SLC12A4: variants seen among roughly 807,000 people sequenced by gnomAD.
SLC12A4 encodes solute carrier family 12 member 4.
A neutral mutation model predicts 119.2 loss-of-function variants in SLC12A4; 84 were observed. The observed-to-expected ratio is 0.70, with a 90% confidence interval of 0.59 to 0.85. The LOEUF is 0.85. Ranked by LOEUF, SLC12A4 falls within the 40% of genes least tolerant of loss-of-function variation. The pLI is 0.00. For missense variants in SLC12A4, 1,298 were observed against 1,476.3 expected (o/e 0.88, Z 1.98); for synonymous variants, 599 against 604.6 (o/e 0.99, Z 0.14).
rs2058405732 is a variant in SLC12A4 at position 67,950,786 on chromosome 16, G to GC, written c.1397-76dup. 7.1e-6 allele frequency: 11 copies of GC among 1,544,138 alleles called. No homozygotes were observed. In the South Asian group the frequency reaches 1.3e-4, roughly 18 times the overall value. On this transcript the variant is annotated intron_variant, in intron 10 of 23. Transcript: ENST00000316341. This position sits in a 1 kb window ranked among gnomAD's most constrained non-coding sequence, Gnocchi z 4.3. ...AATAGTACCACGTGCCCCCACCCCA[G>GC]CCAGACTACCAGGACACCTACAGCT...
At chr16:67,966,875 A>G (rs765843082) in intron 1 of SLC12A4, 6 of 1,520,734 alleles carry the variant, frequency 3.9e-6, no homozygotes, top group Non-Finnish European at 5.3e-6. Flanking sequence ...ATCTAGCAGG[A>G]CTCAGCCAAT....
chr16:67,948,187 A>G, intron 13 of SLC12A4, 28 bp from the exon 14 acceptor site: 1 of 1,607,806 alleles, frequency 6.2e-7, no homozygotes, highest in Non-Finnish European at 8.5e-7. Context: ...GTTGGCGAAG[A>G]GCAGCCTCCT....
Position 67,951,117 on chromosome 16 carries a change from G to A in SLC12A4, c.1297+23C>T, listed in dbSNP as rs755147591. On this transcript the variant is annotated intron_variant, in intron 9 of 23. Coordinates refer to ENST00000316341, the MANE Select transcript of SLC12A4 (RefSeq NM_005072.5). This position sits in a 1 kb window ranked among gnomAD's most constrained non-coding sequence, Gnocchi z 5.2. ...TCCCCGGGATTGGGGACAGGGCTGG[G>A]TGGGTAGGCAGGCAGGGCTCACCTG... 1.2e-6 allele frequency: 2 copies of A among 1,613,772 alleles called. No homozygotes were observed. The highest frequency in any genetic ancestry group is 8.5e-7 in the Non-Finnish European group (1 of 1,179,762).
chr16:67,955,877 C>CA (rs773351935), intron 5 of SLC12A4, among the ~76,000 whole-genome samples: 10,019 of 134,328 alleles, frequency 0.075, 463 homozygotes, highest in Middle Eastern at 0.2. Flanking sequence ...GACTCCGTCT[C>CA]AAAAAAAAAA....
chr16:67,943,878 G>C lies in SLC12A4; in HGVS notation c.*962C>G, dbSNP rs772149357. 34 of 1,416,424 alleles carry C rather than the reference G, an allele frequency of 2.4e-5. No individual in the cohort carries two copies. The highest frequency in any genetic ancestry group is 3.1e-5 in the Non-Finnish European group (32 of 1,048,950). 87.7% of individuals were successfully genotyped at this position (1,416,424 alleles called of 1,614,324 possible). ...GGGCAGAAGGGCTTTGGCCAGGTCA[G>C]CTGCCAGGGGCTGGGGCCCAGGCTC... On this transcript the variant is annotated 3_prime_UTR_variant, in exon 24 of 24. Transcript: ENST00000316341. This position sits in a 1 kb window ranked among gnomAD's most constrained non-coding sequence, Gnocchi z 4.6.
chr16:67,951,679 G>A lies in SLC12A4; in HGVS notation c.1132+144C>T, dbSNP rs779857532. 1.2e-5 allele frequency: 9 copies of A among 760,806 alleles called. No homozygotes were observed. The Admixed American group carries it at 1.3e-4, about 11-fold the overall frequency. The allele number at this position is 760,806 out of a possible 1,614,324, so 47.1% of individuals were successfully genotyped here. A position where few individuals can be genotyped will look rare whatever the true frequency, so the allele number is the denominator to read the frequency against. On this transcript the variant is annotated intron_variant, in intron 8 of 23. Transcript: ENST00000316341. This position sits in a 1 kb window ranked among gnomAD's most constrained non-coding sequence, Gnocchi z 5.2. ...CTCACTCCAAACTCGGCTGCCAGGA[G>A]CCAGGCTGGGAGGACACTGGGGGGC...
chr16:67,950,985 G>A lies in SLC12A4; in HGVS notation c.1373C>T (p.Ala458Val). ...ACACACGAGGGAAGTTGTAATGATG[G>A]CCAGAATGGTCCCCACAGGGATAGA... ...QKSIPVGTIL[A>V]IITTSLVYFS... Residue 458 changes from alanine (A) to valine (V), a missense_variant, in exon 10 of 24, where the codon GCC (alanine) becomes GTC (valine). Physicochemically the swap from Ala to Val is moderately conservative, Grantham distance 64 (BLOSUM62 0). Coordinates refer to ENST00000316341, the MANE Select transcript of SLC12A4 (RefSeq NM_005072.5). This position sits in a 1 kb window ranked among gnomAD's most constrained non-coding sequence, Gnocchi z 4.3. 1.9e-6 allele frequency: 3 copies of A among 1,613,836 alleles called. No homozygotes were observed. Among genetic ancestry groups the A allele is most frequent in the Middle Eastern group, 3.3e-4 (2 of 6,062 alleles).
In SLC12A4 at chr16:67,943,816, C is replaced by A; in HGVS notation, c.*1024G>T. On this transcript the variant is annotated 3_prime_UTR_variant, in exon 24 of 24. Transcript: ENST00000316341. This position sits in a 1 kb window ranked among gnomAD's most constrained non-coding sequence, Gnocchi z 4.6. The stretch of plus-strand genomic sequence containing the variant: ...TAAGGGACAAGCTTTTGGCCCCTCC[C>A]CACACCAGGGCAGGTACTTATGTCG... 1 of 862,956 alleles carries A rather than the reference C, an allele frequency of 1.2e-6. No homozygotes were observed. 53.5% of individuals were successfully genotyped at this position (862,956 alleles called of 1,614,324 possible).
At chr16:67,946,697 A>G in intron 17 of SLC12A4, 64 bp from the exon 18 acceptor site, 1 of 1,540,640 alleles carries the variant, frequency 6.5e-7, no homozygotes. Context: ...GCTCCCTCCC[A>G]AGGCCCCTCG....
At chr16:67,945,255 A>C (rs747571951) in intron 22 of SLC12A4, 35 bp from the exon 23 acceptor site, 12 of 1,552,990 alleles carry the variant, frequency 7.7e-6, no homozygotes, top group Middle Eastern at 1.7e-4. Flanking sequence ...GGTCGCCATG[A>C]GCCATCCTGC....
At chr16:67,947,867 C>A (rs2058370361) in intron 14 of SLC12A4, 79 bp from the exon 15 acceptor site, 1 of 1,525,836 alleles carries the variant, frequency 6.6e-7, no homozygotes. Flanking sequence ...CCTGGTAGCC[C>A]TGTCAGGTCC....
Position 67,961,788 on chromosome 16 carries a change from C to T in SLC12A4, c.211-82G>A. 1.9e-6 allele frequency: 3 copies of T among 1,564,862 alleles called. No individual in the cohort carries two copies. In the South Asian group the frequency reaches 3.5e-5, roughly 18 times the overall value. On this transcript the variant is annotated intron_variant, in intron 2 of 23. Coordinates refer to ENST00000316341, the MANE Select transcript of SLC12A4 (RefSeq NM_005072.5). ...GGAGCCAGCTGCCTGGTCCCTGGCCCTGTTCCAAGCCCTGAGACAGGCCTG... is the reference window on the plus strand; with the variant it reads ...GGAGCCAGCTGCCTGGTCCCTGGCCTTGTTCCAAGCCCTGAGACAGGCCTG...
intron 17 of SLC12A4, 32 bp downstream of exon 17, chr16:67,946,905 C>T (rs752928710): frequency 6.2e-7 from 1 of 1,604,702 alleles, no homozygotes. Flanking sequence ...CCCCTGTAGT[C>T]TGGCTCAGCT....
Position 67,949,495 on chromosome 16 carries a change from G to A in SLC12A4, c.1748+305C>T. The stretch of plus-strand genomic sequence containing the variant: ...CAAAAAACAAACTAACAGATGGAAG[G>A]GGCAGCAGTGGCTTCATGGAGGCAT... On this transcript the variant is annotated intron_variant, in intron 13 of 23. Transcript: ENST00000316341. This position sits in a 1 kb window ranked among gnomAD's most constrained non-coding sequence, Gnocchi z 4.6. 3.8e-6 allele frequency: 1 copy of A among 266,598 alleles called. No homozygotes were observed. The highest frequency in any genetic ancestry group is 7.1e-6 in the Non-Finnish European group (1 of 141,598). 16.5% of individuals were successfully genotyped at this position (266,598 alleles called of 1,614,324 possible).
chr16:67,945,784 T>C lies in SLC12A4; in HGVS notation c.2827A>G (p.Lys943Glu). 1.2e-6 allele frequency: 2 copies of C among 1,613,722 alleles called. No homozygotes were observed. Among genetic ancestry groups the C allele is most frequent in the Non-Finnish European group, 1.7e-6 (2 of 1,180,028 alleles). The change falls in exon 21 of 24, where the codon AAG becomes GAG. Residue 943 changes from lysine to glutamate, a missense_variant. Lys to Glu is a moderately conservative substitution (Grantham distance 56). Coordinates refer to ENST00000316341, the MANE Select transcript of SLC12A4 (RefSeq NM_005072.5). Reference protein sequence around the residue: ...SQMLRQMRLTKTEREREAQLV... With the variant: ...SQMLRQMRLTETEREREAQLV... ...CTGACTTCTCGCTCCCGCTCAGTCT[T>C]GGTCAGTCTCATCTGCCGCAGCATC...
At chr16:67,959,601 G>A (rs1313534715) in intron 3 of SLC12A4, among the ~76,000 whole-genome samples, 1 of 152,172 alleles carries the variant, frequency 6.6e-6, no homozygotes, top group African/African-American at 2.4e-5. Context: ...TGCAGGGGAC[G>A]GATCCCCCTC....
intron 1 of SLC12A4, chr16:67,963,946 C>G (rs901126415): frequency 1.9e-6 from 3 of 1,551,400 alleles, no homozygotes; most frequent in Admixed American, 2.0e-5. Flanking sequence ...GTGCAGGATG[C>G]CAAGGGTTCG....
In SLC12A4 at chr16:67,945,632, T is replaced by C. The variant is rs2058335247; in HGVS notation, c.2848-79A>G. ...CCTGTCTGGCCCAATGTGACCACCTTGCCTCCGGGAAATGAGCACTAGCTT... is the reference window on the plus strand; with the variant it reads ...CCTGTCTGGCCCAATGTGACCACCTCGCCTCCGGGAAATGAGCACTAGCTT... On this transcript the variant is annotated intron_variant, in intron 21 of 23. Coordinates refer to ENST00000316341, the MANE Select transcript of SLC12A4 (RefSeq NM_005072.5). 2.6e-6 allele frequency: 4 copies of C among 1,534,456 alleles called. No homozygotes were observed. The East Asian group carries it at 6.8e-5, about 26-fold the overall frequency.
In SLC12A4 at chr16:67,945,936, G is replaced by A; in HGVS notation, c.2739+15C>T. On this transcript the variant is annotated intron_variant, in intron 20 of 23. Coordinates refer to ENST00000316341, the MANE Select transcript of SLC12A4 (RefSeq NM_005072.5). ...ACATGGTATCCACGGGGCCAGGGCA[G>A]GGCAGAGGGCTCACCATCTCCACCA... The A allele has an allele frequency of 6.2e-7, 1 of 1,613,102 alleles. No individual in the cohort carries two copies. Among genetic ancestry groups the A allele is most frequent in the Non-Finnish European group, 8.5e-7 (1 of 1,179,228 alleles).
Sources: allele counts gnomAD v4.1 joint callset (sites outside exome capture counted in the v4.1 genomes callset), GRCh38; gene constraint gnomAD v4.1.1; non-coding constraint Gnocchi (gnomAD v3.1); transcripts MANE v1.5; gene names NCBI Gene and HGNC (gene_info 2026-07-23, HGNC 2026-07-21).